The following PDCD6IP variants were observed in gnomAD, a reference collection of about 807,000 sequenced individuals.
PDCD6IP encodes programmed cell death 6-interacting protein.
PDCD6IP carries 43 observed loss-of-function variants against 103.7 expected under a neutral mutation model. The observed-to-expected ratio is 0.41, with a 90% CI of 0.32 to 0.53. The LOEUF (loss-of-function observed/expected upper bound fraction) is 0.53. Among genes scored for constraint, PDCD6IP ranks in the 20% least tolerant of loss-of-function variants. The pLI is 0.16. For synonymous variants in PDCD6IP, 354 were observed against 378.7 expected (o/e 0.93, Z 0.76); for missense variants, 871 against 1,036.7 (o/e 0.84, Z 2.20).
intron 16 of PDCD6IP, among the ~76,000 whole-genome samples, chr3:33,864,592 A>T (rs1251861227): frequency 6.6e-6 from 1 of 152,180 alleles, no homozygotes; most frequent in African/African-American, 2.4e-5. Flanking sequence ...TAGCTATATG[A>T]GCTTTTTTGT....
chr3:33,846,353 A>G (rs930022274), intron 12 of PDCD6IP, among the ~76,000 whole-genome samples: 2 of 152,226 alleles, frequency 1.3e-5, no homozygotes, highest in Non-Finnish European at 2.9e-5. Context: ...TCCAAGACCT[A>G]CTGGATATCT....
At chr3:33,828,741 T>A in intron 6 of PDCD6IP, 112 bp from the exon 7 acceptor site, 2 of 1,124,274 alleles carry the variant, frequency 1.8e-6, no homozygotes, top group Non-Finnish European at 2.6e-6. Flanking sequence ...TCTAAACCAT[T>A]AATGGGGTGA....
At chr3:33,832,229 G>A (rs1037469586) in intron 7 of PDCD6IP, among the ~76,000 whole-genome samples, 5 of 152,072 alleles carry the variant, frequency 3.3e-5, no homozygotes, top group Non-Finnish European at 5.9e-5. Context: ...TCCTCATATG[G>A]TGAACAGCAG....
At chr3:33,845,263 A>G (rs183418345) in intron 11 of PDCD6IP, among the ~76,000 whole-genome samples, 156 bp from the exon 12 acceptor site, 5 of 152,324 alleles carry the variant, frequency 3.3e-5, no homozygotes, top group African/African-American at 1.2e-4. Flanking sequence ...ACGAGAACGC[A>G]AAGACTGTCA....
Position 33,828,887 on chromosome 3 carries a change from T to A in PDCD6IP, c.752T>A (p.Ile251Asn), listed in dbSNP as rs1575920055. The A allele has an allele frequency of 1.1e-5, 17 of 1,612,864 alleles. No homozygotes were observed. Among genetic ancestry groups the A allele is most frequent in the Non-Finnish European group, 1.4e-5 (16 of 1,179,100 alleles). The change falls in exon 7 of 18, where the codon ATC (isoleucine) becomes AAC (asparagine). Residue 251 changes from isoleucine (I) to asparagine (N), a missense_variant. Physicochemically the swap from Ile to Asn is moderately radical, Grantham distance 149. Coordinates refer to ENST00000307296, the MANE Select transcript of PDCD6IP (RefSeq NM_013374.6). ...CCTGTCTTGGCTGCAAAGCACTGTA[T>A]CATGCAGGCCAATGCTGAGTACCAT... ...VFPVLAAKHC[I>N]MQANAEYHQS...
At chr3:33,832,773 G>A (rs938628488) in intron 7 of PDCD6IP, among the ~76,000 whole-genome samples, 2 of 152,040 alleles carry the variant, frequency 1.3e-5, no homozygotes, top group African/African-American at 2.4e-5. Flanking sequence ...CTGTTTTAAT[G>A]TCTGATAGGT....
chr3:33,848,602 A>G (rs1697646948), intron 12 of PDCD6IP, among the ~76,000 whole-genome samples: 1 of 152,056 alleles, frequency 6.6e-6, no homozygotes, highest in Non-Finnish European at 1.5e-5. Flanking sequence ...ACGGGGTTTC[A>G]CCATGTTGGC....
chr3:33,851,415 A>C (rs142250722), intron 12 of PDCD6IP, among the ~76,000 whole-genome samples: 8 of 152,236 alleles, frequency 5.3e-5, no homozygotes, highest in African/African-American at 1.9e-4. Flanking sequence ...TTTATGAATC[A>C]GGTGGGTATA....
intron 2 of PDCD6IP, 135 bp from the exon 3 acceptor site, chr3:33,813,424 G>C: frequency 7.4e-6 from 4 of 541,400 alleles, no homozygotes; most frequent in Non-Finnish European, 9.9e-6. Context: ...AGGAAAGGAA[G>C]TTGGGTGGTT....
At position 33,866,849 on chromosome 3, in the gene PDCD6IP, A is replaced by T. The variant is rs1698077551; in HGVS notation, c.*324A>T. The T allele has an allele frequency of 9.6e-6, 2 of 207,828 alleles. No homozygotes were observed. Among genetic ancestry groups the T allele is most frequent in the African/African-American group, 2.3e-5 (1 of 43,774 alleles). The allele number at this position is 207,828 out of a possible 1,614,324, so 12.9% of individuals were successfully genotyped here. A position where few individuals can be genotyped will look rare whatever the true frequency, so the allele number is the denominator to read the frequency against. On this transcript the variant is annotated 3_prime_UTR_variant, in exon 18 of 18. Transcript: ENST00000307296. The stretch of plus-strand genomic sequence containing the variant: ...ACTTTCTACATAAGACATGGTTGGG[A>T]CATCAGATACTTACAAAGATGGTTT...
chr3:33,848,898 TA>T (rs1449513976), intron 12 of PDCD6IP, among the ~76,000 whole-genome samples: 1 of 152,224 alleles, frequency 6.6e-6, no homozygotes, highest in Non-Finnish European at 1.5e-5. Context: ...CTTCATTTTT[TA>T]AATGGCTGAA....
intron 7 of PDCD6IP, 69 bp from the exon 8 acceptor site, chr3:33,835,975 T>G: frequency 1.1e-6 from 1 of 900,184 alleles, no homozygotes; most frequent in Non-Finnish European, 1.7e-6. Context: ...GCTTAAATAC[T>G]TGGTGGGGAA....
Position 33,799,027 on chromosome 3 carries a change from C to T in PDCD6IP, c.209+90C>T, listed in dbSNP as rs548516611. 103 of 1,252,624 alleles carry T rather than the reference C, an allele frequency of 8.2e-5. No individual in the cohort carries two copies. The East Asian group carries it at 2.4e-3, about 29-fold the overall frequency. The allele number at this position is 1,252,624 out of a possible 1,614,324, so 77.6% of individuals were successfully genotyped here. On this transcript the variant is annotated intron_variant, in intron 1 of 17. Coordinates refer to ENST00000307296, the MANE Select transcript of PDCD6IP (RefSeq NM_013374.6). ...CTCCCCCCTTCCTTCAATCCTGTAACCTGGGCGGAGCCGCCCCGTCCCGGC... is the reference window on the plus strand; with the variant it reads ...CTCCCCCCTTCCTTCAATCCTGTAATCTGGGCGGAGCCGCCCCGTCCCGGC...
intron 7 of PDCD6IP, chr3:33,835,145 A>G (rs1203771088): frequency 2.2e-6 from 1 of 449,600 alleles, no homozygotes; most frequent in African/African-American, 2.0e-5. Context: ...TACCACCTAA[A>G]TTTGTATGCG....
chr3:33,824,185 C>T (rs72619959), intron 4 of PDCD6IP, among the ~76,000 whole-genome samples: 39,907 of 151,896 alleles, frequency 0.26, 5,538 homozygotes, highest in East Asian at 0.39. Flanking sequence ...ACTGCAGAAA[C>T]ATGCTGTTCA....
At chr3:33,856,991 T>C (rs1341697983) in intron 15 of PDCD6IP, among the ~76,000 whole-genome samples, 2 of 152,124 alleles carry the variant, frequency 1.3e-5, no homozygotes, top group Non-Finnish European at 2.9e-5. Flanking sequence ...TCTTTATTCA[T>C]CTCTCTGTTC....
At chr3:33,806,203 T>C (rs1696593605) in intron 1 of PDCD6IP, among the ~76,000 whole-genome samples, 1 of 152,234 alleles carries the variant, frequency 6.6e-6, no homozygotes, top group East Asian at 1.9e-4. Context: ...CTGGAGAACA[T>C]ATATAAGTAC....
intron 9 of PDCD6IP, among the ~76,000 whole-genome samples, chr3:33,841,690 G>A (rs1409636947): frequency 1.3e-5 from 2 of 151,602 alleles, no homozygotes; most frequent in East Asian, 1.9e-4. Flanking sequence ...CTCCCGCCTC[G>A]GCCTCCCAAA....
intron 1 of PDCD6IP, among the ~76,000 whole-genome samples, chr3:33,808,183 A>G (rs145309123): frequency 1.1e-3 from 172 of 152,348 alleles, no homozygotes; most frequent in Non-Finnish European, 1.9e-3. Context: ...CACCAATAAT[A>G]TATCACAAAT....
Sources: allele counts gnomAD v4.1 joint callset (sites outside exome capture counted in the v4.1 genomes callset), GRCh38; gene constraint gnomAD v4.1.1; transcripts MANE v1.5; gene names NCBI Gene and HGNC (gene_info 2026-07-23, HGNC 2026-07-21).